The following RGL1 variants were observed in gnomAD, a reference collection of about 807,000 sequenced individuals.
RGL1 encodes the protein ral guanine nucleotide dissociation stimulator-like 1.
Under a neutral mutation model 95.2 loss-of-function variants are expected in RGL1, and 24 were observed. The observed-to-expected ratio is 0.25, with a 90% CI of 0.18 to 0.35. The LOEUF (loss-of-function observed/expected upper bound fraction) is 0.35, where lower values mean the gene tolerates loss of function less well. Ranked by LOEUF, RGL1 falls within the 10% of genes least tolerant of loss-of-function variation. RGL1 has a pLI of 1.00. For missense variants in RGL1, 715 were observed against 936.3 expected (o/e 0.76, Z 3.08); for synonymous variants, 329 against 344.9 (o/e 0.95, Z 0.51).
intron 1 of RGL1, among the ~76,000 whole-genome samples, chr1:183,649,732 A>T (rs1489968450): frequency 6.6e-6 from 1 of 152,250 alleles, no homozygotes; most frequent in Non-Finnish European, 1.5e-5. Flanking sequence ...AAACTCAAAA[A>T]GCTGAGATCT....
chr1:183,884,863 C>A lies in RGL1; in HGVS notation c.876C>A (p.Ser292Arg). The change falls in exon 7 of 18, where the codon AGC (serine) becomes AGA (arginine). Residue 292 changes from serine (S) to arginine (R), a missense_variant. Physicochemically the swap from Ser to Arg is moderately radical, Grantham distance 110. Transcript: ENST00000360851. ...ATACCCTCACCAAATGTGTTGTCAG[C>A]ACCATCCTGGGGGGCAAAGAACTCA... ...QFNTLTKCVV[S>R]TILGGKELKT... 2.5e-6 allele frequency: 4 copies of A among 1,614,160 alleles called. No individual in the cohort carries two copies. The highest frequency in any genetic ancestry group is 3.4e-6 in the Non-Finnish European group (4 of 1,179,996).
chr1:183,848,548 G>C (rs1290427370), intron 3 of RGL1, among the ~76,000 whole-genome samples: 1 of 152,156 alleles, frequency 6.6e-6, no homozygotes, highest in South Asian at 2.1e-4. Context: ...ACGGCTTTCT[G>C]TTGGGCTTGT....
chr1:183,866,255 A>G (rs1205125978), intron 4 of RGL1, among the ~76,000 whole-genome samples, 182 bp downstream of exon 4: 1 of 152,228 alleles, frequency 6.6e-6, no homozygotes, highest in Non-Finnish European at 1.5e-5. Context: ...TATCTTAAGT[A>G]ACCACTGTCT....
intron 17 of RGL1, 90 bp downstream of exon 17, chr1:183,922,426 G>A (rs1450334103): frequency 1.6e-5 from 15 of 933,470 alleles, no homozygotes; most frequent in African/African-American, 8.2e-5. Context: ...GGCAGAAAAC[G>A]GATACGTATT....
intron 2 of RGL1, among the ~76,000 whole-genome samples, chr1:183,745,430 C>T (rs910023922): frequency 5.3e-5 from 8 of 151,948 alleles, no homozygotes; most frequent in African/African-American, 1.9e-4. Flanking sequence ...AGATACTCTC[C>T]TGTGTTTCCT....
chr1:183,825,180 A>C (rs1290357707), intron 2 of RGL1, among the ~76,000 whole-genome samples: 1 of 152,212 alleles, frequency 6.6e-6, no homozygotes, highest in Non-Finnish European at 1.5e-5. Context: ...GTGGGAGGGT[A>C]GTGATATAGT....
At chr1:183,892,777 G>A (rs893584957) in intron 9 of RGL1, among the ~76,000 whole-genome samples, 1 of 152,202 alleles carries the variant, frequency 6.6e-6, no homozygotes, top group Non-Finnish European at 1.5e-5. Context: ...TCTAATTGGG[G>A]TATATAGACA....
At chr1:183,779,969 G>A (rs1659812833) in intron 2 of RGL1, among the ~76,000 whole-genome samples, 2 of 152,122 alleles carry the variant, frequency 1.3e-5, no homozygotes, top group African/African-American at 4.8e-5. Context: ...TAATTAGCAT[G>A]AAGAATGCTC....
chr1:183,837,540 C>A (rs1370085741), intron 2 of RGL1, among the ~76,000 whole-genome samples: 2 of 152,186 alleles, frequency 1.3e-5, no homozygotes, highest in Non-Finnish European at 2.9e-5. Flanking sequence ...TATTTTAATT[C>A]AAACTCCTCT....
intron 1 of RGL1, among the ~76,000 whole-genome samples, chr1:183,733,126 AT>A (rs1335078636): frequency 2.0e-5 from 3 of 151,480 alleles, no homozygotes; most frequent in Non-Finnish European, 2.9e-5. Flanking sequence ...ATGGAAACAA[AT>A]TTTTTTTTAA....
At chr1:183,656,887 T>A (rs1651205229) in intron 1 of RGL1, among the ~76,000 whole-genome samples, 1 of 152,166 alleles carries the variant, frequency 6.6e-6, no homozygotes, top group Non-Finnish European at 1.5e-5. Flanking sequence ...TTTAAGGTTT[T>A]TGAAAACCAG....
chr1:183,806,337 A>G, intron 1 of RGL1, 38 bp from the exon 2 acceptor site: 1 of 1,544,258 alleles, frequency 6.5e-7, no homozygotes, highest in Non-Finnish European at 8.9e-7. Context: ...AGAGGAAAAA[A>G]ATACTCTTTT....
At chr1:183,757,781 G>A (rs1318248559) in intron 2 of RGL1, among the ~76,000 whole-genome samples, 1 of 152,196 alleles carries the variant, frequency 6.6e-6, no homozygotes, top group Non-Finnish European at 1.5e-5. Flanking sequence ...GAAGATTAGA[G>A]GTTAAGGCAC....
intron 2 of RGL1, among the ~76,000 whole-genome samples, chr1:183,776,444 G>T (rs10157939): frequency 3.5e-4 from 53 of 152,024 alleles, no homozygotes; most frequent in African/African-American, 1.7e-4. Context: ...CACCGCGCCC[G>T]GCCAGATTTT....
intron 2 of RGL1, among the ~76,000 whole-genome samples, chr1:183,758,618 C>T (rs1658489512): frequency 6.6e-6 from 1 of 152,044 alleles, no homozygotes; most frequent in Admixed American, 6.5e-5. Flanking sequence ...TCAATGGGTC[C>T]TCATGTGGCA....
intron 1 of RGL1, among the ~76,000 whole-genome samples, chr1:183,718,435 A>G (rs535194891): frequency 6.6e-6 from 1 of 152,360 alleles, no homozygotes; most frequent in South Asian, 2.1e-4. Context: ...ACTTACAATG[A>G]AAACTTTTTC....
At chr1:183,885,024 G>T in intron 7 of RGL1, 86 bp downstream of exon 7, 1 of 1,191,620 alleles carries the variant, frequency 8.4e-7, no homozygotes, top group East Asian at 2.5e-5. Context: ...TAGCTGTTTG[G>T]TTGAAAAGGC....
rs184330938 is a variant in RGL1 at position 183,868,573 on chromosome 1, A to G, written c.425+2500A>G. 2.6e-5 allele frequency among the ~76,000 whole-genome samples: 4 copies of G among 152,346 alleles called. No individual in the cohort carries two copies. The East Asian group carries it at 7.7e-4, about 29-fold the overall frequency. Reference sequence around the variant, plus strand: ...TTCTCAAGTGATTCCTAAGCACTTTAGAGTTTTGAGAATCATAGGAGTCTA... The same window carrying G: ...TTCTCAAGTGATTCCTAAGCACTTTGGAGTTTTGAGAATCATAGGAGTCTA... On this transcript the variant is annotated intron_variant, in intron 4 of 17. Transcript: ENST00000360851.
chr1:183,637,615 C>T (rs1362781564), intron 1 of RGL1, among the ~76,000 whole-genome samples: 1 of 152,088 alleles, frequency 6.6e-6, no homozygotes, highest in Non-Finnish European at 1.5e-5. Context: ...AGAGAGACCT[C>T]GAGAATGGAA....
Sources: allele counts gnomAD v4.1 joint callset (sites outside exome capture counted in the v4.1 genomes callset), GRCh38; gene constraint gnomAD v4.1.1; transcripts MANE v1.5; gene names NCBI Gene and HGNC (gene_info 2026-07-23, HGNC 2026-07-21).